The following CNTN5 variants were observed in gnomAD, a reference collection of about 807,000 sequenced individuals.
CNTN5 encodes contactin 5.
A neutral mutation model predicts 129.1 loss-of-function variants in CNTN5; 77 were observed. That is an observed-to-expected ratio of 0.60 (90% CI 0.50 to 0.72). CNTN5 has a LOEUF of 0.72. Ranked by LOEUF, CNTN5 falls within the 30% of genes least tolerant of loss-of-function variation. The pLI, the probability that CNTN5 is intolerant of heterozygous loss-of-function variation, is 0.00. For missense variants in CNTN5, 1,478 were observed against 1,328.8 expected (o/e 1.11, Z -1.75); for synonymous variants, 509 against 465.6 (o/e 1.09, Z -1.20).
chr11:99,894,019 G>A (rs1297120639), intron 6 of CNTN5, among the ~76,000 whole-genome samples: 1 of 151,934 alleles, frequency 6.6e-6, no homozygotes, highest in East Asian at 1.9e-4. Flanking sequence ...CCAAAAGGGA[G>A]CTACTGGTAT....
At chr11:99,976,763 T>C (rs755466529) in intron 8 of CNTN5, among the ~76,000 whole-genome samples, 3 of 152,220 alleles carry the variant, frequency 2.0e-5, no homozygotes, top group African/African-American at 7.2e-5. Context: ...AGCCCTGTTA[T>C]GGGACAGGCT....
At chr11:100,183,550 A>G (rs1457988009) in intron 13 of CNTN5, among the ~76,000 whole-genome samples, 1 of 152,022 alleles carries the variant, frequency 6.6e-6, no homozygotes, top group Non-Finnish European at 1.5e-5. Flanking sequence ...GAAAAATGCA[A>G]ACTAGAAAAA....
intron 24 of CNTN5, among the ~76,000 whole-genome samples, chr11:100,354,253 T>A (rs1317058131): frequency 6.6e-6 from 1 of 151,634 alleles, no homozygotes; most frequent in Admixed American, 6.6e-5. Context: ...ATTATGATCA[T>A]GATGCTTCAG....
chr11:99,787,773 A>G (rs907994155), intron 3 of CNTN5, among the ~76,000 whole-genome samples: 1 of 152,048 alleles, frequency 6.6e-6, no homozygotes, highest in South Asian at 2.1e-4. Flanking sequence ...TGCTATACAT[A>G]TAATTAAGCC....
chr11:99,901,929 A>T (rs1279830032), intron 6 of CNTN5, among the ~76,000 whole-genome samples: 4 of 152,176 alleles, frequency 2.6e-5, no homozygotes, highest in African/African-American at 9.7e-5. Context: ...ATCCCCTGAC[A>T]ATCATTTTGA....
intron 1 of CNTN5, among the ~76,000 whole-genome samples, chr11:99,044,833 T>A (rs1019939881): frequency 1.3e-5 from 2 of 152,190 alleles, no homozygotes; most frequent in Non-Finnish European, 2.9e-5. Context: ...GGGGAAATTT[T>A]ACACGGTCTC....
intron 9 of CNTN5, among the ~76,000 whole-genome samples, chr11:100,045,492 T>C (rs896388646): frequency 1.2e-4 from 19 of 152,100 alleles, no homozygotes; most frequent in Non-Finnish European, 7.4e-5. Flanking sequence ...TATAAAAATC[T>C]AGATTTAAGA....
chr11:99,840,872 A>G (rs1317278742), intron 4 of CNTN5, among the ~76,000 whole-genome samples: 1 of 152,180 alleles, frequency 6.6e-6, no homozygotes, highest in Non-Finnish European at 1.5e-5. Flanking sequence ...TAAACAGTGG[A>G]TCATTATGAC....
intron 13 of CNTN5, among the ~76,000 whole-genome samples, chr11:100,100,027 G>C (rs1945164554): frequency 6.6e-6 from 1 of 151,998 alleles, no homozygotes; most frequent in South Asian, 2.1e-4. Context: ...TTTCTTCTTA[G>C]TTCCAATTAT....
chr11:99,299,177 C>T (rs11501176), intron 1 of CNTN5, among the ~76,000 whole-genome samples: 1 of 152,006 alleles, frequency 6.6e-6, no homozygotes, highest in Non-Finnish European at 1.5e-5. Context: ...AAGAAAAGTA[C>T]AGCCAACGGA....
chr11:99,946,525 A>G (rs1463988182), intron 7 of CNTN5, among the ~76,000 whole-genome samples: 1 of 152,140 alleles, frequency 6.6e-6, no homozygotes, highest in African/African-American at 2.4e-5. Context: ...GACTGACAGT[A>G]TGGGAACTGA....
At chr11:99,639,559 G>GTTTTTTTTTTTTTT (rs71050010) in intron 3 of CNTN5, among the ~76,000 whole-genome samples, 1 of 70,322 alleles carries the variant, frequency 1.4e-5, no homozygotes. Flanking sequence ...TCACCTTTAT[G>GTTTTTTTTTTTTTT]TTTTTTTTTT....
intron 2 of CNTN5, among the ~76,000 whole-genome samples, chr11:99,333,982 AC>A (rs1866113776): frequency 6.6e-6 from 1 of 151,794 alleles, no homozygotes; most frequent in African/African-American, 2.4e-5. Flanking sequence ...TCACACACAC[AC>A]ACACACACAC....
chr11:99,415,862 G>A (rs1942635037), intron 2 of CNTN5, among the ~76,000 whole-genome samples: 1 of 152,184 alleles, frequency 6.6e-6, no homozygotes, highest in African/African-American at 2.4e-5. Flanking sequence ...TATGAAGAAG[G>A]AAATTGAGTT....
chr11:99,058,982 A>C (rs1040446191), intron 1 of CNTN5, among the ~76,000 whole-genome samples: 13 of 149,412 alleles, frequency 8.7e-5, no homozygotes, highest in African/African-American at 3.2e-4. Context: ...ACATACATAC[A>C]TATATAATAA....
At chr11:100,075,504 T>TCATAAAA (rs1237289693) in intron 13 of CNTN5, among the ~76,000 whole-genome samples, 2 of 152,178 alleles carry the variant, frequency 1.3e-5, no homozygotes, top group Non-Finnish European at 2.9e-5. Context: ...CCCAAAGACT[T>TCATAAAA]AGAGAAAACT....
intron 2 of CNTN5, among the ~76,000 whole-genome samples, chr11:99,377,239 G>A (rs1403014087): frequency 6.6e-6 from 1 of 151,996 alleles, no homozygotes; most frequent in East Asian, 1.9e-4. Flanking sequence ...TGGGGGAGTG[G>A]AGATTTTCTA....
intron 1 of CNTN5, among the ~76,000 whole-genome samples, chr11:99,185,935 C>T (rs1858330212): frequency 7.2e-6 from 1 of 139,344 alleles, no homozygotes; most frequent in African/African-American, 2.7e-5. Context: ...TTAAAAATAA[C>T]CCATCAAAAT....
intron 3 of CNTN5, among the ~76,000 whole-genome samples, chr11:99,609,603 C>G (rs1373591421): frequency 6.6e-6 from 1 of 152,080 alleles, no homozygotes; most frequent in Admixed American, 6.6e-5. Flanking sequence ...ATATGCCTAT[C>G]CTGGTTCTGG....
Sources: allele counts gnomAD v4.1 joint callset (sites outside exome capture counted in the v4.1 genomes callset), GRCh38; gene constraint gnomAD v4.1.1; transcripts MANE v1.5; gene names NCBI Gene and HGNC (gene_info 2026-07-23, HGNC 2026-07-21).